The following ARHGEF1 variants were observed in gnomAD, a reference collection of about 807,000 sequenced individuals.
The protein encoded by ARHGEF1 is 115 kDa guanine nucleotide exchange factor.
Under a neutral mutation model 119.7 loss-of-function variants are expected in ARHGEF1, and 40 were observed. That is an observed-to-expected ratio of 0.33 (90% CI 0.26 to 0.44). The LOEUF is 0.44. ARHGEF1 is among the 20% of genes least tolerant of loss of function. The pLI, the probability that ARHGEF1 is intolerant of heterozygous loss-of-function variation, is 1.00. For synonymous variants in ARHGEF1, 494 were observed against 521.0 expected (o/e 0.95, Z 0.71); for missense variants, 976 against 1,268.3 (o/e 0.77, Z 3.50).
Position 41,892,235 on chromosome 19 carries a change from A to G in ARHGEF1, c.325-96A>G. The G allele has an allele frequency of 1.3e-6, 2 of 1,577,620 alleles. No individual in the cohort carries two copies. Among genetic ancestry groups the G allele is most frequent in the Non-Finnish European group, 8.7e-7 (1 of 1,150,902 alleles). ...GCAGCTGCTGACCCAGGCCTTCCCC[A>G]GCACCCTCGCTTAGACCAGGGTTCC... is the stretch of plus-strand genomic sequence containing the variant. On this transcript the variant is annotated intron_variant, in intron 5 of 28. Coordinates refer to ENST00000354532, the MANE Select transcript of ARHGEF1 (RefSeq NM_004706.4). This position sits in a 1 kb window ranked among gnomAD's most constrained non-coding sequence, Gnocchi z 6.3.
intron 18 of ARHGEF1, chr19:41,912,918 A>G: frequency 8.1e-7 from 1 of 1,231,278 alleles, no homozygotes; most frequent in Non-Finnish European, 1.0e-6. Context: ...GCTACAGTCC[A>G]TGGCGGAGCC....
rs540055271 is a variant in ARHGEF1, at chr19:41,926,721, G to T, written c.141-2110G>T. Among the ~76,000 whole-genome samples, 8 of 152,196 alleles carry T rather than the reference G, an allele frequency of 5.3e-5. No homozygotes were observed. In the East Asian group the frequency reaches 1.5e-3, roughly 29 times the overall value. On this transcript the variant is annotated intron_variant, in intron 1 of 2. Coordinates refer to the ARHGEF1 transcript ENST00000594417. Reference sequence around the variant, plus strand: ...GCCGCGGCGGCCGGCCGGGAGGGGGGAGCGGGCGGGGGGGCCGTTTAGCCG... The same window carrying T: ...GCCGCGGCGGCCGGCCGGGAGGGGGTAGCGGGCGGGGGGGCCGTTTAGCCG...
rs546220580 is a variant in ARHGEF1, at chr19:41,924,850, G to T, written c.140+1617G>T. 9.8e-5 allele frequency among the ~76,000 whole-genome samples: 15 copies of T among 152,328 alleles called. No individual in the cohort carries two copies. The East Asian group carries it at 2.9e-3, about 29-fold the overall frequency. ...GACCGGTGTTTCTGGAGAGAAGCAGGTTGGAGACAGGTGTGAGAGATCTGA... is the reference window on the plus strand; with the variant it reads ...GACCGGTGTTTCTGGAGAGAAGCAGTTTGGAGACAGGTGTGAGAGATCTGA... On this transcript the variant is annotated intron_variant, in intron 1 of 2. Coordinates refer to the ARHGEF1 transcript ENST00000594417.
rs1384938336 is a variant in ARHGEF1, at chr19:41,903,638, C to T, written c.1840-69C>T. 3 of 1,527,822 alleles carry T rather than the reference C, an allele frequency of 2.0e-6. No homozygotes were observed. Among genetic ancestry groups the T allele is most frequent in the African/African-American group, 2.7e-5 (2 of 73,230 alleles). 94.6% of individuals were successfully genotyped at this position (1,527,822 alleles called of 1,614,324 possible). A position where few individuals can be genotyped will look rare whatever the true frequency, so the allele number is the denominator to read the frequency against. On this transcript the variant is annotated intron_variant, in intron 19 of 28. Coordinates refer to ENST00000354532, the MANE Select transcript of ARHGEF1 (RefSeq NM_004706.4). This position sits in a 1 kb window ranked among gnomAD's most constrained non-coding sequence, Gnocchi z 4.2. ...AAGTTGGTCTTGGCTCTCATCTTAC[C>T]AATGTGGGTCACTGCAGGTCAGCCC...
chr19:41,892,021 C>T lies in ARHGEF1; in HGVS notation c.226-4C>T. ...CGGAGAGTCATGCTGTGTGTCTCCC[C>T]CAGCTTTGCTGTCTGCATGCCGACA... is the stretch of plus-strand genomic sequence containing the variant. On this transcript the variant is annotated splice_polypyrimidine_tract_variant and splice_region_variant and intron_variant, in intron 4 of 28. Transcript: ENST00000354532. The surrounding 1 kb of genome is among the most constrained non-coding windows in gnomAD (Gnocchi z 6.3). 1.9e-6 allele frequency: 3 copies of T among 1,600,932 alleles called. No individual in the cohort carries two copies. The highest frequency in any genetic ancestry group is 2.6e-6 in the Non-Finnish European group (3 of 1,171,430).
rs368913647 is a variant in ARHGEF1 at position 41,892,650 on chromosome 19, G to T, written c.415G>T (p.Val139Leu). ...CTCCGAGGATGTCCAGCGGCGGTTCGTGCAGGAGGTGGTGCAAAGCCAGCA... is the reference window on the plus strand; with the variant it reads ...CTCCGAGGATGTCCAGCGGCGGTTCTTGCAGGAGGTGGTGCAAAGCCAGCA... ...LISEDVQRRF[V>L]QEVVQSQQVA... The change falls in exon 7 of 29, where the codon GTG (valine) becomes TTG (leucine). Residue 139 changes from valine (V) to leucine (L), a missense_variant. Physicochemically the swap from Val to Leu is conservative, Grantham distance 32. Around this residue, in one of 3 missense-constraint regions of ARHGEF1, gnomAD observed 519 missense variants for 580.9 expected, o/e 0.89. Coordinates refer to ENST00000354532, the MANE Select transcript of ARHGEF1 (RefSeq NM_004706.4). The surrounding 1 kb of genome is among the most constrained non-coding windows in gnomAD (Gnocchi z 6.3). 6.2e-7 allele frequency: 1 copy of T among 1,613,158 alleles called. No individual in the cohort carries two copies. Among genetic ancestry groups the T allele is most frequent in the Non-Finnish European group, 8.5e-7 (1 of 1,179,518 alleles).
chr19:41,908,758 C>T, downstream of ARHGEF1: 1 of 684,982 alleles, frequency 1.5e-6, no homozygotes, highest in East Asian at 3.4e-5. The surrounding 1 kb of genome is among the most constrained non-coding windows in gnomAD (Gnocchi z 6.7). Flanking sequence ...TGCCATATCC[C>T]ACCCCATCTC....
chr19:41,907,947 A>G (rs2074727143), downstream of ARHGEF1: 1 of 358,070 alleles, frequency 2.8e-6, no homozygotes, highest in Non-Finnish European at 5.0e-6. Flanking sequence ...CGGGCGGGGC[A>G]GGCTGGGCGC....
In ARHGEF1 at chr19:41,904,572, C is replaced by T. The variant is rs558812243; in HGVS notation, c.2161+189C>T. Among the ~76,000 whole-genome samples, 1 of 152,144 alleles carries T rather than the reference C, an allele frequency of 6.6e-6. No homozygotes were observed. The highest frequency in any genetic ancestry group is 1.9e-4 in the East Asian group (1 of 5,174). On this transcript the variant is annotated intron_variant, in intron 22 of 28. Transcript: ENST00000354532. This position sits in a 1 kb window ranked among gnomAD's most constrained non-coding sequence, Gnocchi z 8.4. ...TTTATAAGTGAGGTAGGAACTGCTG[C>T]AGGTGTTTGCACAGAGGCGTGTCTT... is the stretch of plus-strand genomic sequence containing the variant.
At chr19:41,899,388 A>G (rs1260140418) in intron 14 of ARHGEF1, among the ~76,000 whole-genome samples, 1 of 151,974 alleles carries the variant, frequency 6.6e-6, no homozygotes, top group Non-Finnish European at 1.5e-5. Flanking sequence ...AATGATCAGT[A>G]TATTAGCAGT....
chr19:41,893,310 G>C lies in ARHGEF1; in HGVS notation c.644+7G>C. 6 of 1,607,404 alleles carry C rather than the reference G, an allele frequency of 3.7e-6. No homozygotes were observed. The highest frequency in any genetic ancestry group is 5.1e-6 in the Non-Finnish European group (6 of 1,177,238). ...CTACCGACGAAGAAAAGAGGTGAGG[G>C]GGGCAGGGGAGGCGTGCGGCCTCCT... On this transcript the variant is annotated splice_region_variant and intron_variant, in intron 8 of 28. Transcript: ENST00000354532.
Position 41,916,802 on chromosome 19 carries a change from TCA to T in ARHGEF1, c.1866-6278_1866-6277del, listed in dbSNP as rs146628376. Among the ~76,000 whole-genome samples the T allele has an allele frequency of 4.0e-5, 6 of 151,058 alleles. No homozygotes were observed. Among genetic ancestry groups the T allele is most frequent in the East Asian group, 1.9e-4 (1 of 5,156 alleles). On this transcript the variant is annotated intron_variant, in intron 18 of 20. Coordinates refer to the ARHGEF1 transcript ENST00000599589. The surrounding 1 kb of genome is among the most constrained non-coding windows in gnomAD (Gnocchi z 5.4). The stretch of plus-strand genomic sequence containing the variant: ...CACCCATTCACAGACACAGTCACAA[TCA>T]CACACACACACCAAGATCACGGACC...
chr19:41,888,701 T>C lies in ARHGEF1; in HGVS notation c.112-51T>C, dbSNP rs563684999. 30 of 1,550,600 alleles carry C rather than the reference T, an allele frequency of 1.9e-5. No individual in the cohort carries two copies. The African/African-American group carries it at 3.4e-4, about 18-fold the overall frequency. Reference sequence around the variant, plus strand: ...TGCCAGGAATGGGTAGGGTCAACCCTAAGGCCCCTCCTCTTCTCCCCATTG... The same window carrying C: ...TGCCAGGAATGGGTAGGGTCAACCCCAAGGCCCCTCCTCTTCTCCCCATTG... On this transcript the variant is annotated intron_variant, in intron 3 of 28. Transcript: ENST00000354532. The surrounding 1 kb of genome is among the most constrained non-coding windows in gnomAD (Gnocchi z 5.1).
At chr19:41,925,538 C>T (rs963510239) in intron 1 of ARHGEF1, among the ~76,000 whole-genome samples, 2 of 152,078 alleles carry the variant, frequency 1.3e-5, no homozygotes, top group East Asian at 1.9e-4. Flanking sequence ...TACAAGGGAC[C>T]GGGAAACTCT....
At chr19:41,897,607 C>G (rs1321646744) in intron 13 of ARHGEF1, 1 of 272,276 alleles carries the variant, frequency 3.7e-6, no homozygotes, top group Non-Finnish European at 7.0e-6. Flanking sequence ...CCCCCTCCCC[C>G]AAGACCCCCC....
chr19:41,912,478 C>T (rs537656976), intron 18 of ARHGEF1, among the ~76,000 whole-genome samples: 27 of 152,196 alleles, frequency 1.8e-4, no homozygotes, highest in South Asian at 6.2e-4. Flanking sequence ...CCTGTCCATC[C>T]GTGCCTGGCC....
chr19:41,909,914 A>G (rs2074742883), downstream of ARHGEF1: 11 of 1,613,626 alleles, frequency 6.8e-6, no homozygotes, highest in South Asian at 1.2e-4. This position sits in a 1 kb window ranked among gnomAD's most constrained non-coding sequence, Gnocchi z 5.2. Flanking sequence ...GCATTTGCGA[A>G]TACCCCACAG....
rs1555848455 is a variant in ARHGEF1 at position 41,898,568 on chromosome 19, G to A, written c.1248G>A (p.Lys416=). ...TLHSLPKSQV[K]RQEVISELLV... ...ACAGCCTGCCCAAGAGCCAGGTGAA[G>A]CGGCAGGAGGTCATCAGCGGTGAGT... Residue 416 remains lysine, a synonymous_variant, in exon 14 of 29, where the codon AAG becomes AAA. Transcript: ENST00000354532. 2 of 1,583,406 alleles carry A rather than the reference G, an allele frequency of 1.3e-6. No homozygotes were observed. The highest frequency in any genetic ancestry group is 2.3e-5 in the East Asian group (1 of 43,146).
At chr19:41,912,789 G>A (rs1555851374) in intron 18 of ARHGEF1, 1 of 507,908 alleles carries the variant, frequency 2.0e-6, no homozygotes, top group East Asian at 4.0e-5. Flanking sequence ...AGAGAAGGGG[G>A]ATGCGGCTCA....
Sources: gnomAD v4.1 joint callset for allele counts (sites outside exome capture counted in the v4.1 genomes callset) on GRCh38, gnomAD v4.1.1 for gene constraint, gnomAD v4.1.1 regional missense constraint, Gnocchi (gnomAD v3.1) non-coding constraint, MANE v1.5 for transcripts, NCBI Gene and HGNC (gene_info 2026-07-23, HGNC 2026-07-21) for gene names.